ARHGAP30: variants seen among roughly 807,000 people sequenced by gnomAD.
ARHGAP30 encodes the protein rho GTPase-activating protein 30.
In ARHGAP30, 23 loss-of-function variants were observed where a neutral mutation model predicts 72.0. The ratio of observed to expected loss-of-function variants is 0.32; its 90% CI spans 0.23 to 0.45. The LOEUF is 0.45. Among genes scored for constraint, ARHGAP30 ranks in the 20% least tolerant of loss-of-function variants. The pLI is 1.00. For missense variants in ARHGAP30, 1,319 were observed against 1,383.4 expected (o/e 0.95, Z 0.74); for synonymous variants, 576 against 528.2 (o/e 1.09, Z -1.24).
Position 161,069,656 on chromosome 1 carries a change from C to T in ARHGAP30, c.-32G>A, listed in dbSNP as rs971134506. The T allele has an allele frequency of 1.3e-6, 2 of 1,599,816 alleles. No homozygotes were observed. Among genetic ancestry groups the T allele is most frequent in the Non-Finnish European group, 1.7e-6 (2 of 1,175,406 alleles). On this transcript the variant is annotated 5_prime_UTR_variant, in exon 1 of 12. Transcript: ENST00000368013. The surrounding 1 kb of genome is among the most constrained non-coding windows in gnomAD (Gnocchi z 4.9). The stretch of plus-strand genomic sequence containing the variant: ...AGCCCCAGGGCACTGGCCCGGTCAC[C>T]TCTATCCCCCAAGACCTGTGCCCTA...
At position 161,048,833 on chromosome 1, in the gene ARHGAP30, C is replaced by T. The variant is rs748532451; in HGVS notation, c.2188G>A (p.Glu730Lys). 2 of 1,614,156 alleles carry T rather than the reference C, an allele frequency of 1.2e-6. No homozygotes were observed. Among genetic ancestry groups the T allele is most frequent in the Admixed American group, 3.3e-5 (2 of 60,022 alleles). The change falls in exon 12 of 12, where the codon GAG becomes AAG. Residue 730 changes from glutamate to lysine, a missense_variant. Glu to Lys is a moderately conservative substitution (Grantham distance 56). Coordinates refer to ENST00000368013, the MANE Select transcript of ARHGAP30 (RefSeq NM_001025598.2). ...CCTGGTTCCTCCACACCTTTAGCCT[C>T]CATACTGTCAGCCTTCTTCTGACCT... is the stretch of plus-strand genomic sequence containing the variant. ...SKGQKKADSM[E>K]AKGVEEPGGD...
chr1:161,057,262 C>A (rs973229851), intron 2 of ARHGAP30, among the ~76,000 whole-genome samples: 1 of 151,768 alleles, frequency 6.6e-6, no homozygotes, highest in Non-Finnish European at 1.5e-5. Context: ...TCGAGTGATT[C>A]TCCTGCCTCA....
chr1:161,057,253 C>T (rs760860118), intron 2 of ARHGAP30, among the ~76,000 whole-genome samples: 2 of 151,496 alleles, frequency 1.3e-5, no homozygotes, highest in African/African-American at 4.9e-5. Flanking sequence ...CTCCCAGGTT[C>T]GAGTGATTCT....
At chr1:161,055,869 AT>A (rs1651809982) in intron 3 of ARHGAP30, among the ~76,000 whole-genome samples, 2 of 42,998 alleles carry the variant, frequency 4.7e-5, no homozygotes, top group African/African-American at 2.0e-4. Context: ...ATAAAATAAA[AT>A]AAAATAAAAT....
chr1:161,054,538 G>A, intron 4 of ARHGAP30, 65 bp from the exon 5 acceptor site: 3 of 1,599,088 alleles, frequency 1.9e-6, no homozygotes, highest in Non-Finnish European at 1.7e-6. Context: ...GCTGGGACCT[G>A]GGAGCAGTAG....
intron 1 of ARHGAP30, among the ~76,000 whole-genome samples, chr1:161,066,455 T>C (rs1193928935): frequency 6.6e-6 from 1 of 150,780 alleles, no homozygotes; most frequent in Non-Finnish European, 1.5e-5. Flanking sequence ...AAGACTAGCC[T>C]GGCCAACATG....
At chr1:161,052,837 C>T (rs781613150) in intron 6 of ARHGAP30, 40 bp from the exon 7 acceptor site, 3 of 1,596,786 alleles carry the variant, frequency 1.9e-6, no homozygotes, top group Non-Finnish European at 2.6e-6. Context: ...GGAACAGAGC[C>T]AAGAGAGGGA....
chr1:161,064,838 A>G (rs1339391619), intron 1 of ARHGAP30, among the ~76,000 whole-genome samples: 6 of 117,028 alleles, frequency 5.1e-5, no homozygotes, highest in African/African-American at 7.4e-5. Context: ...AAAGAGAAAG[A>G]AAGAAAGAAA....
chr1:161,062,883 C>T (rs561994298), intron 1 of ARHGAP30, among the ~76,000 whole-genome samples: 1 of 151,864 alleles, frequency 6.6e-6, no homozygotes, highest in East Asian at 2.0e-4. Flanking sequence ...GGCACAATCT[C>T]GGCTCACCAC....
chr1:161,053,463 TCTCTC>T, intron 5 of ARHGAP30, 78 bp from the exon 6 acceptor site: 1 of 296,962 alleles, frequency 3.4e-6, no homozygotes, highest in Non-Finnish European at 4.4e-6. Flanking sequence ...AATACCTTAT[TCTCTC>T]TCTCTCTCTC....
At chr1:161,059,136 C>T (rs2102056599) in intron 2 of ARHGAP30, among the ~76,000 whole-genome samples, 1 of 151,994 alleles carries the variant, frequency 6.6e-6, no homozygotes, top group Admixed American at 6.5e-5. Context: ...TGGAGCAATT[C>T]TCCTGCCTCA....
At chr1:161,058,788 G>C (rs1340156258) in intron 2 of ARHGAP30, among the ~76,000 whole-genome samples, 5 of 149,360 alleles carry the variant, frequency 3.3e-5, no homozygotes, top group African/African-American at 1.2e-4. Flanking sequence ...TTGAACCCAG[G>C]AGGCAGAGGT....
chr1:161,055,875 TAAAATAAAAATAAATA>T (rs778320385), intron 3 of ARHGAP30, among the ~76,000 whole-genome samples: 1 of 115,148 alleles, frequency 8.7e-6, no homozygotes, highest in South Asian at 2.7e-4. Flanking sequence ...TAAAATAAAA[TAAAATAAAAATAAATA>T]AAATAAAATA....
At chr1:161,052,040 C>A (rs1272960331) in intron 9 of ARHGAP30, among the ~76,000 whole-genome samples, 4 of 28,880 alleles carry the variant, frequency 1.4e-4, no homozygotes, top group East Asian at 7.3e-4. Context: ...CCACCACCAC[C>A]ACCACCACCA....
chr1:161,049,784 A>C, intron 10 of ARHGAP30, 95 bp from the exon 11 acceptor site: 1 of 1,469,094 alleles, frequency 6.8e-7, no homozygotes, highest in East Asian at 2.3e-5. Context: ...GGGGCCCAGC[A>C]CTCCCAGCAT....
Position 161,049,378 on chromosome 1 carries a change from A to T in ARHGAP30, c.1687-44T>A, listed in dbSNP as rs756135430. ...GACTCAGGACCAGGAGGCCCTGTCC[A>T]CCCTTGACTCCATGCCACCCCCAAA... On this transcript the variant is annotated intron_variant, in intron 11 of 11. Coordinates refer to ENST00000368013, the MANE Select transcript of ARHGAP30 (RefSeq NM_001025598.2). 6 of 1,598,448 alleles carry T rather than the reference A, an allele frequency of 3.8e-6. No individual in the cohort carries two copies. In the African/African-American group the frequency reaches 8.1e-5, roughly 21 times the overall value.
intron 5 of ARHGAP30, 77 bp from the exon 6 acceptor site, chr1:161,053,462 T>TCTC: frequency 8.7e-6 from 6 of 692,942 alleles, no homozygotes; most frequent in Middle Eastern, 4.8e-4. Flanking sequence ...AAATACCTTA[T>TCTC]TCTCTCTCTC....
At chr1:161,063,806 C>A (rs991039377) in intron 1 of ARHGAP30, among the ~76,000 whole-genome samples, 6 of 152,164 alleles carry the variant, frequency 3.9e-5, no homozygotes, top group African/African-American at 1.4e-4. Flanking sequence ...CTGAACGCCC[C>A]CCCCACCGGG....
chr1:161,057,594 T>C (rs1385246504), intron 2 of ARHGAP30, among the ~76,000 whole-genome samples: 1 of 151,776 alleles, frequency 6.6e-6, no homozygotes, highest in Non-Finnish European at 1.5e-5. Context: ...GCCATGACCA[T>C]GCCACTGCAC....
Sources: allele counts gnomAD v4.1 joint callset (sites outside exome capture counted in the v4.1 genomes callset), GRCh38; gene constraint gnomAD v4.1.1; non-coding constraint Gnocchi (gnomAD v3.1); transcripts MANE v1.5; gene names NCBI Gene and HGNC (gene_info 2026-07-23, HGNC 2026-07-21).